Variants in LDLRAD3 observed in about 807,000 individuals in gnomAD.
The protein encoded by LDLRAD3 is low-density lipoprotein receptor class A domain-containing protein 3.
Under a neutral mutation model 29.4 loss-of-function variants are expected in LDLRAD3, and 20 were observed. That is an observed-to-expected ratio of 0.68 (90% confidence interval 0.48 to 0.99). LDLRAD3 has a LOEUF of 0.99. Ranked by LOEUF, LDLRAD3 falls within the 50% of genes least tolerant of loss-of-function variation. The pLI is 0.00. For synonymous variants in LDLRAD3, 157 were observed against 192.7 expected (o/e 0.81, Z 1.53); for missense variants, 420 against 454.3 (o/e 0.92, Z 0.69).
chr11:36,223,217 G>A (rs773775079), intron 4 of LDLRAD3, among the ~76,000 whole-genome samples: 10 of 152,162 alleles, frequency 6.6e-5, no homozygotes, highest in Non-Finnish European at 8.8e-5. Context: ...TGATCGCTGC[G>A]TCTCGCCTGC....
At chr11:36,111,610 T>C (rs182776986) in intron 4 of LDLRAD3, among the ~76,000 whole-genome samples, 1,795 of 148,314 alleles carry the variant, frequency 0.012, 41 homozygotes, top group African/African-American at 0.043. Context: ...TTTTTTTTTT[T>C]CTTTCTCTGA....
intron 3 of LDLRAD3, among the ~76,000 whole-genome samples, chr11:36,083,853 C>A (rs767332063): frequency 5.3e-5 from 8 of 151,864 alleles, no homozygotes; most frequent in Non-Finnish European, 1.0e-4. Flanking sequence ...ATGATTATGT[C>A]ATCCTATATA....
rs1851718096 is a variant in LDLRAD3, at chr11:35,993,754, T to C, written c.47-42349T>C. On this transcript the variant is annotated intron_variant, in intron 1 of 5. Coordinates refer to ENST00000315571, the MANE Select transcript of LDLRAD3 (RefSeq NM_174902.4). ...CTTGGGTTAGCCCAGATGAGTGGTA[T>C]ATTTTTAATAGGGAGAGGATTCATG... 3.9e-5 allele frequency among the ~76,000 whole-genome samples: 6 copies of C among 152,102 alleles called. No homozygotes were observed. In the South Asian group the frequency reaches 1.2e-3, roughly 32 times the overall value.
At chr11:36,035,096 C>G (rs1852286238) in intron 1 of LDLRAD3, among the ~76,000 whole-genome samples, 1 of 152,064 alleles carries the variant, frequency 6.6e-6, no homozygotes, top group Admixed American at 6.5e-5. Context: ...GCACAAGTAT[C>G]TGGTCATAAA....
At chr11:36,187,152 G>C (rs1429596948) in intron 4 of LDLRAD3, among the ~76,000 whole-genome samples, 1 of 151,872 alleles carries the variant, frequency 6.6e-6, no homozygotes, top group African/African-American at 2.4e-5. Context: ...TCAGATCCTA[G>C]GGTTTTTTTT....
intron 4 of LDLRAD3, among the ~76,000 whole-genome samples, chr11:36,158,195 G>C (rs1854382096): frequency 6.6e-6 from 1 of 152,154 alleles, no homozygotes; most frequent in Non-Finnish European, 1.5e-5. Flanking sequence ...GATAGCCTCA[G>C]CACATGAGTT....
chr11:35,946,953 GT>G (rs771884043), intron 1 of LDLRAD3, among the ~76,000 whole-genome samples: 2 of 152,176 alleles, frequency 1.3e-5, no homozygotes, highest in African/African-American at 2.4e-5. Context: ...TCAAAGAGAT[GT>G]GACTAAGGCT....
chr11:36,014,753 T>A (rs1349609960), intron 1 of LDLRAD3, among the ~76,000 whole-genome samples: 1 of 152,224 alleles, frequency 6.6e-6, no homozygotes, highest in Non-Finnish European at 1.5e-5. Flanking sequence ...CAGGCAGAAA[T>A]CAGCATTCAG....
chr11:35,954,330 T>C (rs1479954061), intron 1 of LDLRAD3, among the ~76,000 whole-genome samples: 1 of 152,196 alleles, frequency 6.6e-6, no homozygotes, highest in East Asian at 1.9e-4. Context: ...ACCCATAAAA[T>C]GTGACTTGGC....
intron 4 of LDLRAD3, among the ~76,000 whole-genome samples, chr11:36,146,543 G>C (rs187343631): frequency 6.6e-6 from 1 of 152,062 alleles, no homozygotes; most frequent in Non-Finnish European, 1.5e-5. Context: ...AGTTATTCTC[G>C]TACAGTTCAG....
rs1854958641 is a variant in LDLRAD3, at chr11:36,191,840, A to G, written c.455-35245A>G. Among the ~76,000 whole-genome samples the G allele has an allele frequency of 2.0e-5, 3 of 151,962 alleles. 1 individual carries two copies. The South Asian group carries it at 6.2e-4, about 32-fold the overall frequency. ...GTTGTTCATCTGTAGCATTTTCTTGATCAAGATAATAAAAACAGTGATTAT... is the reference window on the plus strand; with the variant it reads ...GTTGTTCATCTGTAGCATTTTCTTGGTCAAGATAATAAAAACAGTGATTAT... On this transcript the variant is annotated intron_variant, in intron 4 of 5. Coordinates refer to ENST00000315571, the MANE Select transcript of LDLRAD3 (RefSeq NM_174902.4).
intron 2 of LDLRAD3, among the ~76,000 whole-genome samples, chr11:36,081,189 C>A (rs1048652359): frequency 1.3e-5 from 2 of 152,170 alleles, no homozygotes; most frequent in Non-Finnish European, 2.9e-5. Context: ...TGCCCATCAT[C>A]CCATTGGGTG....
At chr11:36,202,975 C>T (rs1005606317) in intron 4 of LDLRAD3, among the ~76,000 whole-genome samples, 4 of 152,042 alleles carry the variant, frequency 2.6e-5, no homozygotes, top group South Asian at 2.1e-4. Flanking sequence ...CTTGCTCTGT[C>T]GCCCAGGCTG....
chr11:36,134,174 A>C (rs1853971453), intron 4 of LDLRAD3, among the ~76,000 whole-genome samples: 1 of 152,152 alleles, frequency 6.6e-6, no homozygotes, highest in Non-Finnish European at 1.5e-5. Context: ...TAACATCAGC[A>C]TCTTATGGAA....
intron 2 of LDLRAD3, among the ~76,000 whole-genome samples, chr11:36,068,432 A>G (rs1312191378): frequency 6.6e-6 from 1 of 152,124 alleles, no homozygotes; most frequent in African/African-American, 2.4e-5. Flanking sequence ...CCTTTTACAG[A>G]TGGGGACGCT....
At chr11:36,060,560 G>C (rs1337015551) in intron 2 of LDLRAD3, among the ~76,000 whole-genome samples, 3 of 152,138 alleles carry the variant, frequency 2.0e-5, no homozygotes, top group Admixed American at 6.5e-5. Flanking sequence ...GGTAGCCTTT[G>C]TAGGATTGGG....
intron 4 of LDLRAD3, among the ~76,000 whole-genome samples, chr11:36,132,429 G>A (rs1317332872): frequency 6.6e-6 from 1 of 152,162 alleles, no homozygotes; most frequent in Non-Finnish European, 1.5e-5. Flanking sequence ...CTTACACAGT[G>A]TTGACTGTGT....
At chr11:35,945,520 T>G (rs1417089659) in intron 1 of LDLRAD3, among the ~76,000 whole-genome samples, 2 of 152,136 alleles carry the variant, frequency 1.3e-5, no homozygotes, top group Non-Finnish European at 2.9e-5. Flanking sequence ...CTTAAATTAG[T>G]CCACCTGGGG....
At chr11:36,008,536 C>T (rs1024923741) in intron 1 of LDLRAD3, among the ~76,000 whole-genome samples, 1 of 152,020 alleles carries the variant, frequency 6.6e-6, no homozygotes, top group Admixed American at 6.6e-5. Flanking sequence ...TTGGGTTTGT[C>T]GATACACAGG....
Sources: allele counts gnomAD v4.1 joint callset (sites outside exome capture counted in the v4.1 genomes callset), GRCh38; gene constraint gnomAD v4.1.1; transcripts MANE v1.5; gene names NCBI Gene and HGNC (gene_info 2026-07-23, HGNC 2026-07-21).